FAM167A: variants seen among roughly 807,000 people sequenced by gnomAD.
The protein encoded by FAM167A is protein FAM167A.
FAM167A carries 23 observed loss-of-function variants against 14.9 expected under a neutral mutation model. That is an observed-to-expected ratio of 1.55 (90% CI 1.11 to 2.19). The LOEUF (loss-of-function observed/expected upper bound fraction) is 2.19. FAM167A is among the 30% of genes most tolerant of loss of function. The pLI is 0.00. For missense variants in FAM167A, 401 were observed against 281.5 expected, an observed-to-expected ratio of 1.42 and a Z score of -3.04; for synonymous variants, 174 against 117.7, an observed-to-expected ratio of 1.48 and a Z score of -3.10.
chr8:11,469,153 T>A (rs1807874483), upstream of FAM167A, among the ~76,000 whole-genome samples: 1 of 152,244 alleles, frequency 6.6e-6, no homozygotes, highest in African/African-American at 2.4e-5. Context: ...GTGTACATTA[T>A]GAAACTTCTC....
intron 1 of FAM167A, among the ~76,000 whole-genome samples, chr8:11,448,631 G>T (rs1418324463): frequency 6.6e-6 from 1 of 152,192 alleles, no homozygotes; most frequent in Non-Finnish European, 1.5e-5. Flanking sequence ...CAGATTTTCA[G>T]GTCTCAAAAC....
rs553635848 is a variant in FAM167A, at chr8:11,422,131, A to T, written c.*2242T>A. 1.2e-4 allele frequency: 34 copies of T among 279,106 alleles called. No homozygotes were observed. The Middle Eastern group carries it at 6.1e-3, about 50-fold the overall frequency. The allele number at this position is 279,106 out of a possible 1,614,324, so 17.3% of individuals were successfully genotyped here. A position where few individuals can be genotyped will look rare whatever the true frequency, so the allele number is the denominator to read the frequency against. On this transcript the variant is annotated 3_prime_UTR_variant, in exon 3 of 3. Transcript: ENST00000284486. ...TTTCCACCCAGAGAATGAAGAAAGC[A>T]AGCAAGCACTGGGTTACCCAAGCAA... is the stretch of plus-strand genomic sequence containing the variant.
rs1806658222 is a variant in FAM167A, at chr8:11,444,482, C to T, written c.-71G>A. ...GCAGGGGGAGGCTTGGTGGGTGGCA[C>T]AGTTGGGTCCCGCTCTGGGATGGCC... is the stretch of plus-strand genomic sequence containing the variant. On this transcript the variant is annotated 5_prime_UTR_variant, in exon 2 of 3. In the 5' UTR this introduces an upstream ATG that the reference lacks. Coordinates refer to ENST00000284486, the MANE Select transcript of FAM167A (RefSeq NM_053279.3). 13 of 1,497,174 alleles carry T rather than the reference C, an allele frequency of 8.7e-6. No homozygotes were observed. The South Asian group carries it at 1.5e-4, about 17-fold the overall frequency. The allele number at this position is 1,497,174 out of a possible 1,614,324, so 92.7% of individuals were successfully genotyped here.
chr8:11,464,201 C>T (rs1408186731), intron 1 of FAM167A, among the ~76,000 whole-genome samples: 1 of 152,154 alleles, frequency 6.6e-6, no homozygotes, highest in Non-Finnish European at 1.5e-5. Context: ...TTTCTCCATG[C>T]TTGTCCTTCC....
intron 1 of FAM167A, chr8:11,445,151 A>C (rs1806706811): frequency 2.0e-6 from 2 of 985,338 alleles, no homozygotes; most frequent in Non-Finnish European, 2.4e-6. Flanking sequence ...ACTCACCGAG[A>C]TCTCCCAGCA....
At chr8:11,455,293 G>A (rs981957234) in intron 1 of FAM167A, among the ~76,000 whole-genome samples, 5 of 145,700 alleles carry the variant, frequency 3.4e-5, no homozygotes, top group Non-Finnish European at 4.6e-5. Context: ...TCTGGGGGGG[G>A]TGGTTACCCT....
Position 11,422,618 on chromosome 8 carries a change from CTT to C in FAM167A, c.*1753_*1754del, listed in dbSNP as rs1271889180. The C allele has an allele frequency of 6.6e-6, 1 of 152,394 alleles. No individual in the cohort carries two copies. The highest frequency in any genetic ancestry group is 1.5e-5 in the Non-Finnish European group (1 of 68,018). The allele number at this position is 152,394 out of a possible 1,614,324, so 9.4% of individuals were successfully genotyped here. A position where few individuals can be genotyped will look rare whatever the true frequency, so the allele number is the denominator to read the frequency against. On this transcript the variant is annotated 3_prime_UTR_variant, in exon 3 of 3. Transcript: ENST00000284486. ...TGAAGGAGGCATAGAACTTCTGGCT[CTT>C]TGAAATTTTAAAAAAGAGACCAAGT...
intron 1 of FAM167A, among the ~76,000 whole-genome samples, chr8:11,453,637 G>A (rs2409776): frequency 0.16 from 24,153 of 152,036 alleles, 2,028 homozygotes; most frequent in Middle Eastern, 0.32. Flanking sequence ...TGGGGACCAG[G>A]ACCGGGTCAG....
chr8:11,445,082 G>A, intron 1 of FAM167A: 1 of 967,002 alleles, frequency 1.0e-6, no homozygotes, highest in Non-Finnish European at 1.2e-6. Context: ...AAGTCTGCAG[G>A]GATTTGTTTT....
In FAM167A at chr8:11,424,598, C is replaced by T; in HGVS notation, c.420G>A (p.Gln140=). ...TGATGTCGCCACGCAGGCGCATGAG[C>T]TGTCTGGCCAGTTGCTGGTCCTGCA... The part of the protein sequence containing the change: ...MRLQDQQLAR[Q]LMRLRGDINK... The change falls in exon 3 of 3, where the codon CAG becomes CAA. Residue 140 remains glutamine (Q), a synonymous_variant. Coordinates refer to ENST00000284486, the MANE Select transcript of FAM167A (RefSeq NM_053279.3). The T allele has an allele frequency of 6.2e-7, 1 of 1,614,118 alleles. No individual in the cohort carries two copies. The highest frequency in any genetic ancestry group is 8.5e-7 in the Non-Finnish European group (1 of 1,180,018).
At chr8:11,435,386 C>G (rs1038705254) in intron 2 of FAM167A, among the ~76,000 whole-genome samples, 3 of 152,356 alleles carry the variant, frequency 2.0e-5, no homozygotes, top group African/African-American at 7.2e-5. Context: ...TGACAAAACA[C>G]CAGAGGAGAG....
intron 2 of FAM167A, among the ~76,000 whole-genome samples, chr8:11,441,307 C>T (rs1485947986): frequency 4.6e-5 from 7 of 152,208 alleles, no homozygotes; most frequent in African/African-American, 9.6e-5. Flanking sequence ...GCCCTGGTCT[C>T]GCCCTCCTTT....
intron 2 of FAM167A, among the ~76,000 whole-genome samples, chr8:11,439,520 C>T (rs1248320067): frequency 2.0e-5 from 3 of 152,170 alleles, no homozygotes; most frequent in African/African-American, 7.2e-5. Context: ...AGGTCACAGG[C>T]CTCCTGCCAT....
At chr8:11,447,591 G>A (rs959187075) in intron 1 of FAM167A, among the ~76,000 whole-genome samples, 1 of 152,204 alleles carries the variant, frequency 6.6e-6, no homozygotes, top group African/African-American at 2.4e-5. Context: ...AGGCAGGCGG[G>A]ATCACCCCAT....
At chr8:11,447,373 A>C (rs971532484) in intron 1 of FAM167A, among the ~76,000 whole-genome samples, 5 of 151,990 alleles carry the variant, frequency 3.3e-5, no homozygotes, top group African/African-American at 1.2e-4. Flanking sequence ...AGTAGAGACA[A>C]GGTTTCACCA....
intron 1 of FAM167A, among the ~76,000 whole-genome samples, chr8:11,449,679 A>G (rs1313841987): frequency 6.6e-6 from 1 of 152,190 alleles, no homozygotes; most frequent in Non-Finnish European, 1.5e-5. Flanking sequence ...CAGTGGGGAC[A>G]AGCCCTTGGG....
intron 2 of FAM167A, among the ~76,000 whole-genome samples, chr8:11,428,324 T>C (rs1805327115): frequency 6.6e-6 from 1 of 152,224 alleles, no homozygotes; most frequent in Admixed American, 6.5e-5. Flanking sequence ...CAATTTACTC[T>C]TTAAGACCCA....
At chr8:11,461,851 G>A (rs547167248) in intron 1 of FAM167A, among the ~76,000 whole-genome samples, 3 of 152,356 alleles carry the variant, frequency 2.0e-5, no homozygotes, top group East Asian at 1.9e-4. Context: ...AAAAGGCTTC[G>A]TAAGGCCTTT....
Position 11,421,764 on chromosome 8 carries a change from G to A in FAM167A, c.*2609C>T, listed in dbSNP as rs1804747371. 3 of 398,880 alleles carry A rather than the reference G, an allele frequency of 7.5e-6. No homozygotes were observed. Among genetic ancestry groups the A allele is most frequent in the Non-Finnish European group, 1.3e-5 (3 of 226,106 alleles). 24.7% of individuals were successfully genotyped at this position (398,880 alleles called of 1,614,324 possible). On this transcript the variant is annotated 3_prime_UTR_variant, in exon 3 of 3. Transcript: ENST00000284486. Reference sequence around the variant, plus strand: ...TGCGTTTTACACCCAGCGATGCTTGGGGATGGCAGAGAGATGGATGGATAA... The same window carrying A: ...TGCGTTTTACACCCAGCGATGCTTGAGGATGGCAGAGAGATGGATGGATAA...
Sources: allele counts gnomAD v4.1 joint callset (sites outside exome capture counted in the v4.1 genomes callset), GRCh38; gene constraint gnomAD v4.1.1; transcripts MANE v1.5; gene names NCBI Gene and HGNC (gene_info 2026-07-23, HGNC 2026-07-21).